The following ANGEL1 variants were observed in gnomAD, a reference collection of about 807,000 sequenced individuals.
The protein encoded by ANGEL1 is RNA 2',3'-cyclic phosphatase ANGEL1.
ANGEL1 carries 62 observed loss-of-function variants against 76.4 expected under a neutral mutation model. That is an observed-to-expected ratio of 0.81 (90% CI 0.66 to 1.00). ANGEL1 has a LOEUF of 1.00. Ranked by LOEUF, ANGEL1 falls within the 50% of genes least tolerant of loss-of-function variation. The pLI, the probability that ANGEL1 is intolerant of heterozygous loss-of-function variation, is 0.00. For missense variants in ANGEL1, 737 were observed against 836.7 expected, an observed-to-expected ratio of 0.88 and a Z score of 1.47; for synonymous variants, 340 against 331.7, an observed-to-expected ratio of 1.03 and a Z score of -0.27.
rs1266144582 is a variant in ANGEL1, at chr14:76,786,512, T to A, written c.*2716A>T. On this transcript the variant is annotated 3_prime_UTR_variant, in exon 10 of 10. Transcript: ENST00000251089. Reference sequence around the variant, plus strand: ...ATTGAGGGGATCGCAACCCAGGTAGTGCAATGGAAGCAACCAAGTGGCTTT... The same window carrying A: ...ATTGAGGGGATCGCAACCCAGGTAGAGCAATGGAAGCAACCAAGTGGCTTT... 6.6e-6 allele frequency: 1 copy of A among 152,254 alleles called. No homozygotes were observed. Among genetic ancestry groups the A allele is most frequent in the Non-Finnish European group, 1.5e-5 (1 of 68,074 alleles). 9.4% of individuals were successfully genotyped at this position (152,254 alleles called of 1,614,324 possible).
At chr14:76,796,533 G>C (rs2140214795) in intron 7 of ANGEL1, among the ~76,000 whole-genome samples, 1 of 152,052 alleles carries the variant, frequency 6.6e-6, no homozygotes, top group African/African-American at 2.4e-5. Context: ...TGGATTACAG[G>C]CATGAGCCAC....
chr14:76,801,487 C>T (rs572276085), intron 7 of ANGEL1, among the ~76,000 whole-genome samples: 23 of 152,226 alleles, frequency 1.5e-4, no homozygotes, highest in Non-Finnish European at 2.5e-4. Flanking sequence ...GAAAATCTTT[C>T]TTGGATAATT....
intron 7 of ANGEL1, among the ~76,000 whole-genome samples, chr14:76,799,906 GAAA>G (rs11317631): frequency 1.8e-4 from 22 of 119,716 alleles, no homozygotes; most frequent in Non-Finnish European, 2.2e-4. Flanking sequence ...ACTCTGTCAT[GAAA>G]AAAAAAAAAA....
chr14:76,789,067 G>T lies in ANGEL1; in HGVS notation c.*161C>A. On this transcript the variant is annotated 3_prime_UTR_variant, in exon 10 of 10. Coordinates refer to ENST00000251089, the MANE Select transcript of ANGEL1 (RefSeq NM_015305.4). ...GGACCACAGGCAGAGAACGCAGCCA[G>T]GCCTGGAGAAAGTCTAACCGTGGGA... is the stretch of plus-strand genomic sequence containing the variant. 3 of 982,868 alleles carry T rather than the reference G, an allele frequency of 3.1e-6. No homozygotes were observed. Among genetic ancestry groups the T allele is most frequent in the South Asian group, 1.6e-5 (1 of 63,600 alleles). 60.9% of individuals were successfully genotyped at this position (982,868 alleles called of 1,614,324 possible).
At chr14:76,805,453 C>T (rs1894891597) in intron 5 of ANGEL1, among the ~76,000 whole-genome samples, 1 of 152,192 alleles carries the variant, frequency 6.6e-6, no homozygotes, top group Admixed American at 6.5e-5. Flanking sequence ...TACATAAAAT[C>T]CCATGTGCGC....
chr14:76,804,162 G>A (rs571276556), intron 5 of ANGEL1: 34 of 1,427,080 alleles, frequency 2.4e-5, no homozygotes, highest in Admixed American at 8.8e-5. Context: ...AAGGGGAATC[G>A]AATAGTATGA....
In ANGEL1 at chr14:76,806,583, C is replaced by T; in HGVS notation, c.1213G>A (p.Ala405Thr). 6.2e-7 allele frequency: 1 copy of T among 1,614,198 alleles called. No individual in the cohort carries two copies. Among genetic ancestry groups the T allele is most frequent in the African/African-American group, 1.3e-5 (1 of 75,042 alleles). The change falls in exon 5 of 10, where the codon GCC (alanine) becomes ACC (threonine). Residue 405 changes from alanine (A) to threonine (T), a missense_variant. Around this residue, in one of 2 missense-constraint regions of ANGEL1, gnomAD observed 296 missense variants for 387.2 expected, o/e 0.76. Transcript: ENST00000251089. ...YNPRRGDVKLAQMAILLAEVD... is the reference protein window; with the variant it reads ...YNPRRGDVKLTQMAILLAEVD... ...TCCGCCAGGAGAATGGCCATCTGGG[C>T]CAGCTTGACATCGCCCCGGCGTGGG...
At chr14:76,795,852 A>T (rs1256814676) in intron 7 of ANGEL1, among the ~76,000 whole-genome samples, 1 of 152,184 alleles carries the variant, frequency 6.6e-6, no homozygotes, top group East Asian at 1.9e-4. Flanking sequence ...TTTCCCACTT[A>T]CATAGGTTAG....
intron 1 of ANGEL1, chr14:76,812,169 A>C: frequency 1.4e-5 from 13 of 897,162 alleles, no homozygotes; most frequent in Non-Finnish European, 1.7e-5. Context: ...TCTCCCTCTA[A>C]ACCGCCGGGA....
At chr14:76,800,780 G>A (rs369647947) in intron 7 of ANGEL1, among the ~76,000 whole-genome samples, 9 of 152,182 alleles carry the variant, frequency 5.9e-5, no homozygotes, top group African/African-American at 1.9e-4. Flanking sequence ...AGACCAGCCC[G>A]GCCAACATGG....
intron 3 of ANGEL1, among the ~76,000 whole-genome samples, 178 bp downstream of exon 3, chr14:76,807,744 T>C (rs533829737): frequency 6.6e-6 from 1 of 152,302 alleles, no homozygotes; most frequent in East Asian, 1.9e-4. Context: ...AGTGCACATC[T>C]AGGGAGATTC....
chr14:76,793,559 T>TG (rs1410352244), intron 7 of ANGEL1, among the ~76,000 whole-genome samples: 7 of 145,632 alleles, frequency 4.8e-5, no homozygotes, highest in South Asian at 4.4e-4. Flanking sequence ...TTTTTTTGGT[T>TG]TTTTTTTTTT....
Position 76,790,730 on chromosome 14 carries a change from T to C in ANGEL1, c.1733A>G (p.Tyr578Cys). 1 of 1,614,174 alleles carries C rather than the reference T, an allele frequency of 6.2e-7. No individual in the cohort carries two copies. The highest frequency in any genetic ancestry group is 8.5e-7 in the Non-Finnish European group (1 of 1,180,014). ...IQHCLHLTSV[Y>C]THFLPQRGRP... ...GCCACGCTGGGGCAGGAAGTGGGTA[T>C]ATACTGACGTCAGGTGGAGGCAGTG... is the stretch of plus-strand genomic sequence containing the variant. Residue 578 changes from tyrosine to cysteine, a missense_variant, in exon 9 of 10, where the codon TAT becomes TGT. Transcript: ENST00000251089.
rs748922583 is a variant in ANGEL1, at chr14:76,807,386, A to T, written c.946+47T>A. 194 of 1,565,578 alleles carry T rather than the reference A, an allele frequency of 1.2e-4. 1 individual carries two copies. Among genetic ancestry groups the T allele is most frequent in the Non-Finnish European group, 1.6e-4 (184 of 1,145,954 alleles). Reference sequence around the variant, plus strand: ...TGGGGTCTTCAGGAGAGAGTAGACAAGTCTGTGGAAAGAAAAGCTGGCAAG... The same window carrying T: ...TGGGGTCTTCAGGAGAGAGTAGACATGTCTGTGGAAAGAAAAGCTGGCAAG... On this transcript the variant is annotated intron_variant, in intron 4 of 9. Transcript: ENST00000251089.
intron 1 of ANGEL1, 112 bp downstream of exon 1, chr14:76,812,652 C>G: frequency 7.4e-7 from 1 of 1,358,118 alleles, no homozygotes; most frequent in Non-Finnish European, 9.5e-7. Flanking sequence ...CGGCACTGCC[C>G]GGGGCACGGT....
intron 2 of ANGEL1, among the ~76,000 whole-genome samples, chr14:76,808,489 T>A (rs1366067056): frequency 6.8e-6 from 1 of 147,992 alleles, no homozygotes; most frequent in Non-Finnish European, 1.5e-5. Flanking sequence ...CACCTGAGGT[T>A]AAAGACATTT....
Position 76,793,746 on chromosome 14 carries a change from G to C in ANGEL1, c.1619-2380C>G, listed in dbSNP as rs139122599. ...GGGATACATACCGAGTCCCCCAGCG[G>C]ATGCCTGAAACAATGGATACTACCA... On this transcript the variant is annotated intron_variant, in intron 7 of 9. Transcript: ENST00000251089. Among the ~76,000 whole-genome samples the C allele has an allele frequency of 3.7e-3, 562 of 151,772 alleles. 2 individuals are homozygous for C. Among genetic ancestry groups the C allele is most frequent in the African/African-American group, 0.013 (543 of 41,382 alleles).
At position 76,809,508 on chromosome 14, in the gene ANGEL1, T is replaced by C. The variant is rs1206491790; in HGVS notation, c.200A>G (p.Glu67Gly). 2.5e-6 allele frequency: 4 copies of C among 1,614,180 alleles called. No individual in the cohort carries two copies. Among genetic ancestry groups the C allele is most frequent in the Non-Finnish European group, 3.4e-6 (4 of 1,180,032 alleles). ...CEGLLQQWRE[E>G]GLSQVLSTAS... ...AGTTGAGAGCACCTGGCTCAACCCT[T>C]CTTCTCGCCACTGCTGCAGCAGGCC... The change falls in exon 2 of 10, where the codon GAA becomes GGA. Residue 67 changes from glutamate (E) to glycine (G), a missense_variant. Around this residue, in one of 2 missense-constraint regions of ANGEL1, gnomAD observed 441 missense variants for 449.5 expected, o/e 0.98. Coordinates refer to ENST00000251089, the MANE Select transcript of ANGEL1 (RefSeq NM_015305.4).
chr14:76,810,112 T>C (rs1895039827), intron 1 of ANGEL1: 1 of 447,664 alleles, frequency 2.2e-6, no homozygotes. Context: ...CCTAGTCAGA[T>C]GAAGTTACTC....
Sources: allele counts gnomAD v4.1 joint callset (sites outside exome capture counted in the v4.1 genomes callset), GRCh38; gene constraint gnomAD v4.1.1; regional missense constraint gnomAD v4.1.1; transcripts MANE v1.5; gene names NCBI Gene and HGNC (gene_info 2026-07-23, HGNC 2026-07-21).